ESYT2: variants seen among roughly 807,000 people sequenced by gnomAD.
ESYT2 encodes the protein extended synaptotagmin 2.
In ESYT2, 54 loss-of-function variants were observed where a neutral mutation model predicts 107.2. The observed-to-expected ratio is 0.50, with a 90% confidence interval of 0.40 to 0.63. The LOEUF is 0.63. Ranked by LOEUF, ESYT2 falls within the 30% of genes least tolerant of loss-of-function variation. The pLI, the probability that ESYT2 is intolerant of heterozygous loss-of-function variation, is 0.00. For missense variants in ESYT2, 1,020 were observed against 1,094.5 expected, an observed-to-expected ratio of 0.93 and a Z score of 0.96; for synonymous variants, 491 against 434.1, an observed-to-expected ratio of 1.13 and a Z score of -1.63.
chr7:158,778,147 T>C (rs996860580), intron 6 of ESYT2, among the ~76,000 whole-genome samples: 1 of 152,238 alleles, frequency 6.6e-6, no homozygotes, highest in African/African-American at 2.4e-5. Flanking sequence ...TAAGGTAGAA[T>C]TGTTTTATCC....
At chr7:158,742,131 T>C (rs35215816) in intron 17 of ESYT2, among the ~76,000 whole-genome samples, 36,034 of 152,014 alleles carry the variant, frequency 0.24, 5,150 homozygotes, top group East Asian at 0.59. Flanking sequence ...CTGTAGCTCT[T>C]CACAGGGGTG....
rs146284024 is a variant in ESYT2 at position 158,755,144 on chromosome 7, T to C, written c.1420-2301A>G. On this transcript the variant is annotated intron_variant, in intron 13 of 22. Coordinates refer to ENST00000275418, the MANE Select transcript of ESYT2 (RefSeq NM_001367773.1). ...TAAGTTTGCAGATGGGGATCGCTGGTGGCAATGCACTCCTGGAGCTGGAAT... is the reference window on the plus strand; with the variant it reads ...TAAGTTTGCAGATGGGGATCGCTGGCGGCAATGCACTCCTGGAGCTGGAAT... Among the ~76,000 whole-genome samples, 23 of 152,296 alleles carry C rather than the reference T, an allele frequency of 1.5e-4. No homozygotes were observed. In the East Asian group the frequency reaches 3.9e-3, roughly 26 times the overall value.
intron 1 of ESYT2, among the ~76,000 whole-genome samples, chr7:158,825,465 G>A (rs1481512492): frequency 5.3e-5 from 8 of 152,142 alleles, no homozygotes; most frequent in Non-Finnish European, 1.2e-4. Flanking sequence ...GAACATAACT[G>A]TTCATGGGAA....
intron 20 of ESYT2, among the ~76,000 whole-genome samples, chr7:158,736,396 T>C (rs1253200569): frequency 6.6e-6 from 1 of 152,224 alleles, no homozygotes; most frequent in African/African-American, 2.4e-5. Context: ...AGGGTGGGTT[T>C]TGAAGCACTA....
At chr7:158,827,162 C>CAAAAAAAAAAAAA in intron 1 of ESYT2, among the ~76,000 whole-genome samples, 1 of 106,020 alleles carries the variant, frequency 9.4e-6, no homozygotes. Context: ...GGCTCTGTCT[C>CAAAAAAAAAAAAA]AAAAAAAAAA....
At chr7:158,822,680 T>TCA (rs994160310) in intron 1 of ESYT2, among the ~76,000 whole-genome samples, 2 of 152,064 alleles carry the variant, frequency 1.3e-5, no homozygotes, top group African/African-American at 4.8e-5. Flanking sequence ...GTACAATGAT[T>TCA]CACACCTGTA....
rs551064958 is a variant in ESYT2, at chr7:158,775,379, A to G, written c.748-1983T>C. Among the ~76,000 whole-genome samples the G allele has an allele frequency of 1.3e-4, 11 of 81,928 alleles. No individual in the cohort carries two copies. In the East Asian group the frequency reaches 2.4e-3, roughly 18 times the overall value. 53.7% of individuals were successfully genotyped at this position (81,928 alleles called of 152,430 possible). The stretch of plus-strand genomic sequence containing the variant: ...CTTTCAAAAAAGATTTCTCTGTAGC[A>G]TGCCACACTGTTTGATAGCATTTTA... On this transcript the variant is annotated intron_variant, in intron 6 of 22. Transcript: ENST00000275418.
intron 1 of ESYT2, among the ~76,000 whole-genome samples, chr7:158,806,130 A>AGGCGCT (rs1479798080): frequency 7.0e-5 from 10 of 143,838 alleles, no homozygotes; most frequent in East Asian, 2.0e-4. Flanking sequence ...ACCGCGTGGG[A>AGGCGCT]GGTGCCGGGG....
chr7:158,798,210 C>A, intron 2 of ESYT2, 134 bp from the exon 3 acceptor site: 2 of 888,902 alleles, frequency 2.2e-6, no homozygotes, highest in Non-Finnish European at 3.4e-6. Flanking sequence ...TGTTGTTATG[C>A]AAAATCAACA....
At chr7:158,788,271 T>G in intron 5 of ESYT2, 74 bp downstream of exon 5, 1 of 1,435,252 alleles carries the variant, frequency 7.0e-7, no homozygotes, top group South Asian at 1.3e-5. Context: ...AAAAACTTCC[T>G]AATTTTATTT....
intron 1 of ESYT2, among the ~76,000 whole-genome samples, chr7:158,818,385 A>T (rs1584887265): frequency 6.6e-6 from 1 of 152,242 alleles, no homozygotes; most frequent in Non-Finnish European, 1.5e-5. Context: ...AGAGAAAGTG[A>T]AATTTTACGG....
At chr7:158,826,171 G>A (rs773456329) in intron 1 of ESYT2, among the ~76,000 whole-genome samples, 1 of 152,136 alleles carries the variant, frequency 6.6e-6, no homozygotes, top group Non-Finnish European at 1.5e-5. Context: ...TCGAGACCAT[G>A]CAACCTGCTG....
At chr7:158,741,163 T>C (rs1837186618) in intron 18 of ESYT2, among the ~76,000 whole-genome samples, 1 of 152,088 alleles carries the variant, frequency 6.6e-6, no homozygotes, top group African/African-American at 2.4e-5. Context: ...CCAGGGCTTC[T>C]CCAGTGGCCG....
At chr7:158,752,344 T>C (rs966379742) in intron 14 of ESYT2, among the ~76,000 whole-genome samples, 1 of 152,196 alleles carries the variant, frequency 6.6e-6, no homozygotes, top group Non-Finnish European at 1.5e-5. Context: ...GCCATGAAGG[T>C]GTTGACTCAG....
At chr7:158,810,110 T>C (rs1839953455) in intron 1 of ESYT2, among the ~76,000 whole-genome samples, 1 of 152,156 alleles carries the variant, frequency 6.6e-6, no homozygotes, top group Non-Finnish European at 1.5e-5. Context: ...CCTTTGAAAA[T>C]CAATTTAGCA....
chr7:158,786,321 G>A (rs899973596), intron 6 of ESYT2, among the ~76,000 whole-genome samples: 3 of 152,124 alleles, frequency 2.0e-5, no homozygotes, highest in African/African-American at 7.2e-5. Context: ...CTAAAGATGG[G>A]TAAGTTAAAA....
At position 158,734,269 on chromosome 7, in the gene ESYT2, C is replaced by A. The variant is rs1323372548; in HGVS notation, c.2556-17G>T. 1.9e-6 allele frequency: 3 copies of A among 1,614,084 alleles called. No homozygotes were observed. The African/African-American group carries it at 4.0e-5, about 22-fold the overall frequency. Reference sequence around the variant, plus strand: ...AGGTCATACCTGAGAAAGACAGTGACAGGAAGGTGGTGACGGATACAGGAC... The same window carrying A: ...AGGTCATACCTGAGAAAGACAGTGAAAGGAAGGTGGTGACGGATACAGGAC... On this transcript the variant is annotated splice_polypyrimidine_tract_variant and intron_variant, in intron 22 of 22. Coordinates refer to ENST00000275418, the MANE Select transcript of ESYT2 (RefSeq NM_001367773.1).
intron 1 of ESYT2, 146 bp downstream of exon 1, chr7:158,828,943 T>C: frequency 7.7e-7 from 1 of 1,298,526 alleles, no homozygotes; most frequent in Non-Finnish European, 9.9e-7. Flanking sequence ...CCGGGGTGGG[T>C]GGGGGACTAC....
intron 1 of ESYT2, among the ~76,000 whole-genome samples, chr7:158,809,482 A>AAC (rs1839931698): frequency 2.0e-5 from 3 of 150,060 alleles, no homozygotes; most frequent in Admixed American, 1.3e-4. Context: ...CTCAAAAAAA[A>AAC]AAAAAAAAAA....
Sources: allele counts gnomAD v4.1 joint callset (sites outside exome capture counted in the v4.1 genomes callset), GRCh38; gene constraint gnomAD v4.1.1; transcripts MANE v1.5; gene names NCBI Gene and HGNC (gene_info 2026-07-23, HGNC 2026-07-21).